Variants in SEM1 observed in about 807,000 individuals in gnomAD.
The protein encoded by SEM1 is SEM1 26S proteasome subunit.
SEM1 carries 3 observed loss-of-function variants against 12.7 expected under a neutral mutation model. That is an observed-to-expected ratio of 0.24 (90% CI 0.11 to 0.61). SEM1 has a LOEUF of 0.61. Among genes scored for constraint, SEM1 ranks in the 20% least tolerant of loss-of-function variants. The pLI, the probability that SEM1 is intolerant of heterozygous loss-of-function variation, is 0.88. For synonymous variants in SEM1, 30 were observed against 27.8 expected (o/e 1.08, Z -0.25); for missense variants, 59 against 81.3 (o/e 0.73, Z 1.06).
At chr7:96,622,978 G>A (rs1212951094) in intron 2 of SEM1, 2 of 255,644 alleles carry the variant, frequency 7.8e-6, no homozygotes, top group African/African-American at 2.2e-5. Flanking sequence ...CCAGGCATTT[G>A]GCTAAACATC....
rs556292541 is a variant in SEM1 at position 96,529,121 on chromosome 7, T to A, written c.171-22423A>T. ...TTATGATACAAAATCACTTTTTTAC[T>A]CCATGTCCCAGGGTTTGGCTAACAT... On this transcript the variant is annotated intron_variant and NMD_transcript_variant, in intron 2 of 3. Coordinates refer to the SEM1 transcript ENST00000466986. Among the ~76,000 whole-genome samples, 230 of 152,230 alleles carry A rather than the reference T, an allele frequency of 1.5e-3. 1 individual carries two copies. Among genetic ancestry groups the A allele is most frequent in the African/African-American group, 5.3e-3 (222 of 41,558 alleles).
intron 2 of SEM1, among the ~76,000 whole-genome samples, chr7:96,566,327 G>A (rs1232210228): frequency 6.6e-6 from 1 of 151,430 alleles, no homozygotes; most frequent in Non-Finnish European, 1.5e-5. Flanking sequence ...AATCTGATAG[G>A]TTTAAATTAC....
At chr7:96,681,795 G>A (rs1231437097) in intron 2 of SEM1, among the ~76,000 whole-genome samples, 1 of 152,156 alleles carries the variant, frequency 6.6e-6, no homozygotes, top group Non-Finnish European at 1.5e-5. Flanking sequence ...TAGCCTTGTA[G>A]TATAGTTTGA....
At chr7:96,660,587 G>A (rs2116515385) in intron 2 of SEM1, among the ~76,000 whole-genome samples, 1 of 152,096 alleles carries the variant, frequency 6.6e-6, no homozygotes, top group South Asian at 2.1e-4. Context: ...TTTCCAATGT[G>A]CATTTAGAAA....
At chr7:96,547,143 G>A (rs888901173) in intron 2 of SEM1, among the ~76,000 whole-genome samples, 5 of 152,072 alleles carry the variant, frequency 3.3e-5, no homozygotes, top group Non-Finnish European at 7.4e-5. Context: ...CACCCCAAAC[G>A]ACTGCAGCTT....
intron 1 of SEM1, among the ~76,000 whole-genome samples, chr7:96,491,691 G>C (rs1803015430): frequency 6.6e-6 from 1 of 152,086 alleles, no homozygotes; most frequent in African/African-American, 2.4e-5. Context: ...GCATGAGCGA[G>C]GCATATCTTT....
At chr7:96,561,491 C>G (rs6961162) in intron 2 of SEM1, among the ~76,000 whole-genome samples, 1 of 151,994 alleles carries the variant, frequency 6.6e-6, no homozygotes, top group African/African-American at 2.4e-5. Flanking sequence ...GGCAGAGGCT[C>G]TCAAACCTTC....
intron 2 of SEM1, among the ~76,000 whole-genome samples, chr7:96,593,246 T>C (rs1806889862): frequency 6.6e-6 from 1 of 152,192 alleles, no homozygotes; most frequent in African/African-American, 2.4e-5. Context: ...TGCTGGTTGA[T>C]ATTGCGTTCA....
chr7:96,581,904 G>A (rs143676367), intron 2 of SEM1, among the ~76,000 whole-genome samples: 70 of 152,032 alleles, frequency 4.6e-4, no homozygotes, highest in South Asian at 1.0e-3. Flanking sequence ...ATACACAATC[G>A]TGTCATCTGC....
intron 1 of SEM1, among the ~76,000 whole-genome samples, chr7:96,487,346 T>G (rs1374738776): frequency 6.7e-6 from 1 of 150,166 alleles, no homozygotes; most frequent in African/African-American, 2.5e-5. Context: ...AAAAAATTAG[T>G]AACACTAACC....
chr7:96,563,733 T>C (rs768819349), intron 2 of SEM1, among the ~76,000 whole-genome samples: 1 of 151,966 alleles, frequency 6.6e-6, no homozygotes, highest in Non-Finnish European at 1.5e-5. Context: ...TGAATAGATA[T>C]AGAATGTTTA....
downstream of SEM1, among the ~76,000 whole-genome samples, chr7:96,685,709 C>T (rs150694260): frequency 2.2e-4 from 33 of 150,618 alleles, no homozygotes; most frequent in African/African-American, 6.6e-4. Context: ...CTGAGAACAA[C>T]GTCTGGTACA....
Position 96,640,226 on chromosome 7 carries a change from T to C in SEM1, c.171-17583A>G, listed in dbSNP as rs1808550119. On this transcript the variant is annotated intron_variant, in intron 2 of 2. Coordinates refer to the SEM1 transcript ENST00000417009. The surrounding 1 kb of genome is among the most constrained non-coding windows in gnomAD (Gnocchi z 4.0). ...TCCAGAAATTATATGCCTTGGTATTTACTCAAAGGAACTGAAAACTTATGT... is the reference window on the plus strand; with the variant it reads ...TCCAGAAATTATATGCCTTGGTATTCACTCAAAGGAACTGAAAACTTATGT... Among the ~76,000 whole-genome samples the C allele has an allele frequency of 6.6e-6, 1 of 151,988 alleles. No individual in the cohort carries two copies. The highest frequency in any genetic ancestry group is 1.5e-5 in the Non-Finnish European group (1 of 67,922).
chr7:96,521,816 G>A (rs4427102), intron 2 of SEM1, among the ~76,000 whole-genome samples: 49,645 of 151,918 alleles, frequency 0.33, 9,042 homozygotes, highest in East Asian at 0.67. Context: ...CCTGGGGTTT[G>A]CCATTCTCTG....
intron 3 of SEM1, chr7:96,503,599 A>G (rs1382022408): frequency 6.6e-6 from 1 of 152,172 alleles, no homozygotes; most frequent in Non-Finnish European, 1.5e-5. Context: ...ATCTTCTCTT[A>G]GATATCTGGT....
At chr7:96,526,024 A>T (rs1804454094) in intron 2 of SEM1, among the ~76,000 whole-genome samples, 1 of 152,036 alleles carries the variant, frequency 6.6e-6, no homozygotes, top group African/African-American at 2.4e-5. Context: ...CACAACCATG[A>T]CCTCAATTCA....
intron 2 of SEM1, among the ~76,000 whole-genome samples, chr7:96,589,895 G>C (rs1806774900): frequency 6.6e-6 from 1 of 152,124 alleles, no homozygotes; most frequent in South Asian, 2.1e-4. Context: ...TTGAGTAATG[G>C]AAAGTGTTTT....
intron 2 of SEM1, among the ~76,000 whole-genome samples, chr7:96,604,603 T>C (rs1807289986): frequency 6.6e-6 from 1 of 151,962 alleles, no homozygotes; most frequent in African/African-American, 2.4e-5. Flanking sequence ...ATGGTGAATA[T>C]CATGAACTCT....
At chr7:96,580,667 T>G (rs1806365676) in intron 2 of SEM1, among the ~76,000 whole-genome samples, 1 of 151,708 alleles carries the variant, frequency 6.6e-6, no homozygotes, top group South Asian at 2.1e-4. Flanking sequence ...CCATTCTAAC[T>G]GGTGTGAGAT....
Sources: gnomAD v4.1 joint callset for allele counts (sites outside exome capture counted in the v4.1 genomes callset) on GRCh38, gnomAD v4.1.1 for gene constraint, Gnocchi (gnomAD v3.1) non-coding constraint, MANE v1.5 for transcripts, NCBI Gene and HGNC (gene_info 2026-07-23, HGNC 2026-07-21) for gene names.